Variants in IFT88 observed in about 807,000 individuals in gnomAD.
IFT88 encodes the protein intraflagellar transport 88.
IFT88 carries 74 observed loss-of-function variants against 119.5 expected under a neutral mutation model. The observed-to-expected ratio is 0.62, with a 90% CI of 0.51 to 0.75. IFT88 has a LOEUF of 0.75. IFT88 is among the 30% of genes least tolerant of loss of function. The pLI is 0.00. For missense variants in IFT88, 961 were observed against 977.7 expected, an observed-to-expected ratio of 0.98 and a Z score of 0.23; for synonymous variants, 279 against 316.7, an observed-to-expected ratio of 0.88 and a Z score of 1.26.
intron 2 of IFT88, among the ~76,000 whole-genome samples, chr13:20,580,625 T>C (rs2038394936): frequency 6.6e-6 from 1 of 152,154 alleles, no homozygotes; most frequent in East Asian, 1.9e-4. Context: ...TGAAAAAATT[T>C]ATGCATAAAT....
chr13:20,659,314 C>T (rs1225642813), intron 22 of IFT88, among the ~76,000 whole-genome samples: 2 of 152,096 alleles, frequency 1.3e-5, no homozygotes, highest in Admixed American at 6.5e-5. Flanking sequence ...GGAAACATGG[C>T]AAGACCTCAA....
chr13:20,656,520 T>A, intron 22 of IFT88, 90 bp downstream of exon 22: 1 of 486,002 alleles, frequency 2.1e-6, no homozygotes, highest in Non-Finnish European at 3.6e-6. Context: ...AGTAATTGTA[T>A]ACGTAAATAC....
Position 20,589,849 on chromosome 13 carries a change from TA to T in IFT88, c.193del (p.Ile65Ter), listed in dbSNP as rs2040361554. 3 of 1,597,284 alleles carry T rather than the reference TA, an allele frequency of 1.9e-6. No individual in the cohort carries two copies. On this transcript the variant is annotated frameshift_variant, in exon 4 of 26. Transcript: ENST00000351808. LOFTEE classifies it high-confidence loss of function. ...KISSTAVTRP[I>X]ATGYGSKTSL... Reference sequence around the variant, plus strand: ...TATCAAGCACGGCAGTTACTAGACCTATAGCTACTGGATATGGGGTAGGTTT... The same window carrying T: ...TATCAAGCACGGCAGTTACTAGACCTTAGCTACTGGATATGGGGTAGGTTT...
intron 24 of IFT88, among the ~76,000 whole-genome samples, chr13:20,673,626 G>A (rs879732516): frequency 6.6e-6 from 1 of 152,234 alleles, no homozygotes; most frequent in Non-Finnish European, 1.5e-5. Flanking sequence ...TCCACGGTCA[G>A]GGAAGAAGGG....
At chr13:20,622,344 C>G (rs369979787) in intron 14 of IFT88, among the ~76,000 whole-genome samples, 26 of 152,224 alleles carry the variant, frequency 1.7e-4, no homozygotes, top group African/African-American at 5.1e-4. Flanking sequence ...TGGATAAATA[C>G]CAAGGAGCGT....
intron 17 of IFT88, among the ~76,000 whole-genome samples, chr13:20,640,910 C>G (rs939153959): frequency 6.6e-6 from 1 of 152,154 alleles, no homozygotes; most frequent in African/African-American, 2.4e-5. Flanking sequence ...CTTTGGGAGG[C>G]TGAGGCAGGT....
intron 14 of IFT88, among the ~76,000 whole-genome samples, chr13:20,621,526 T>TAAAAAAAAAAAAAAAAAAAAA (rs200491393): frequency 1.5e-5 from 2 of 130,746 alleles, no homozygotes; most frequent in Non-Finnish European, 3.2e-5. Flanking sequence ...CCTGCTGAGA[T>TAAAAAAAAAAAAAAAAAAAAA]AAAAAAAAAA....
chr13:20,577,645 A>G (rs1031458410), intron 2 of IFT88, among the ~76,000 whole-genome samples: 4 of 152,028 alleles, frequency 2.6e-5, no homozygotes, highest in Non-Finnish European at 4.4e-5. Flanking sequence ...TGTCGATATG[A>G]TGTATTACAT....
chr13:20,601,971 C>A, intron 12 of IFT88, 38 bp downstream of exon 12: 3 of 1,120,918 alleles, frequency 2.7e-6, no homozygotes, highest in African/African-American at 1.6e-5. Context: ...CCACTTCCCA[C>A]TTATCTGTGC....
At chr13:20,567,310 C>T (rs1030034588) in intron 1 of IFT88, 54 bp downstream of exon 1, 1 of 152,292 alleles carries the variant, frequency 6.6e-6, no homozygotes, top group African/African-American at 2.4e-5. Context: ...AGCCGTGCCC[C>T]TGCGGCGTCC....
At chr13:20,687,334 C>G (rs189760376) in intron 24 of IFT88, among the ~76,000 whole-genome samples, 1 of 152,004 alleles carries the variant, frequency 6.6e-6, no homozygotes, top group Non-Finnish European at 1.5e-5. Flanking sequence ...TTTTGTGGGG[C>G]GAGCCAAACT....
At chr13:20,648,777 A>G (rs186277020) in intron 20 of IFT88, among the ~76,000 whole-genome samples, 47 of 152,288 alleles carry the variant, frequency 3.1e-4, no homozygotes, top group African/African-American at 9.6e-4. Flanking sequence ...TCTACAAGAG[A>G]TGCACTTTAG....
At chr13:20,577,263 A>C (rs2037565851) in intron 2 of IFT88, among the ~76,000 whole-genome samples, 1 of 152,038 alleles carries the variant, frequency 6.6e-6, no homozygotes, top group South Asian at 2.1e-4. Flanking sequence ...TTTTTGGTGG[A>C]GTCTTTATGT....
At chr13:20,671,156 C>A in intron 24 of IFT88, 117 bp downstream of exon 24, 1 of 592,490 alleles carries the variant, frequency 1.7e-6, no homozygotes, top group Non-Finnish European at 2.8e-6. Context: ...TTGTTCTATA[C>A]ACAGTGAAAC....
At chr13:20,641,245 A>G in intron 17 of IFT88, 45 bp from the exon 18 acceptor site, 1 of 975,916 alleles carries the variant, frequency 1.0e-6, no homozygotes, top group Non-Finnish European at 1.6e-6. Context: ...AATTAATACC[A>G]ATAATGATAC....
chr13:20,608,323 C>T (rs767989036), intron 13 of IFT88, among the ~76,000 whole-genome samples: 1 of 152,190 alleles, frequency 6.6e-6, no homozygotes, highest in Non-Finnish European at 1.5e-5. Flanking sequence ...CAGGAGGATG[C>T]GTTGCCTGCA....
chr13:20,580,724 CTTTTTTTTTT>C (rs1162699940), intron 2 of IFT88, among the ~76,000 whole-genome samples: 395 of 122,728 alleles, frequency 3.2e-3, no homozygotes, highest in African/African-American at 0.011. Context: ...TTTCTTTTTT[CTTTTTTTTTT>C]TTTTTTTTTG....
chr13:20,571,386 G>C (rs1175771510), intron 1 of IFT88, among the ~76,000 whole-genome samples: 1 of 152,126 alleles, frequency 6.6e-6, no homozygotes, highest in African/African-American at 2.4e-5. Context: ...TACATTTCTT[G>C]AATACTAGCA....
chr13:20,656,531 C>T (rs1427901798), intron 22 of IFT88, 101 bp downstream of exon 22: 1 of 445,444 alleles, frequency 2.2e-6, no homozygotes, highest in Non-Finnish European at 4.0e-6. Context: ...ACGTAAATAC[C>T]AACCTATAAT....
Sources: allele counts gnomAD v4.1 joint callset (sites outside exome capture counted in the v4.1 genomes callset), GRCh38; gene constraint gnomAD v4.1.1; transcripts MANE v1.5; gene names NCBI Gene and HGNC (gene_info 2026-07-23, HGNC 2026-07-21).